The following ADAMTS17 variants were observed in gnomAD, a reference collection of about 807,000 sequenced individuals.
ADAMTS17 encodes the protein ADAM metallopeptidase with thrombospondin type 1 motif 17, also known as A disintegrin and metalloproteinase with thrombospondin motifs 17.
A neutral mutation model predicts 141.5 loss-of-function variants in ADAMTS17; 113 were observed. The ratio of observed to expected loss-of-function variants is 0.80; its 90% CI spans 0.69 to 0.93. ADAMTS17 has a LOEUF of 0.93. Ranked by LOEUF, ADAMTS17 falls within the 40% of genes least tolerant of loss-of-function variation. The pLI, the probability that ADAMTS17 is intolerant of heterozygous loss-of-function variation, is 0.00. For synonymous variants in ADAMTS17, 768 were observed against 630.6 expected, an observed-to-expected ratio of 1.22 and a Z score of -3.27; for missense variants, 1,659 against 1,517.9, an observed-to-expected ratio of 1.09 and a Z score of -1.54.
At chr15:100,204,029 T>G (rs1022140830) in intron 7 of ADAMTS17, among the ~76,000 whole-genome samples, 1 of 152,146 alleles carries the variant, frequency 6.6e-6, no homozygotes, top group Non-Finnish European at 1.5e-5. Context: ...ACAACACAGG[T>G]GCTCATTTGT....
intron 18 of ADAMTS17, among the ~76,000 whole-genome samples, chr15:100,007,436 C>T (rs1239911374): frequency 4.7e-5 from 7 of 149,592 alleles, no homozygotes; most frequent in Admixed American, 2.0e-4. Flanking sequence ...TTTTTTGAGA[C>T]GGAGATGGAG....
intron 3 of ADAMTS17, among the ~76,000 whole-genome samples, chr15:100,297,133 A>T (rs940718548): frequency 2.0e-5 from 3 of 152,046 alleles, no homozygotes; most frequent in Admixed American, 2.0e-4. Flanking sequence ...GGGGGAGAGG[A>T]GCTAGGAGGA....
intron 15 of ADAMTS17, among the ~76,000 whole-genome samples, chr15:100,061,723 CG>C (rs2033137028): frequency 6.6e-6 from 1 of 152,212 alleles, no homozygotes; most frequent in African/African-American, 2.4e-5. Flanking sequence ...TCTCAGAAGC[CG>C]GGGTCGGAAG....
intron 11 of ADAMTS17, among the ~76,000 whole-genome samples, chr15:100,132,927 GA>G: frequency 6.6e-6 from 1 of 152,290 alleles, no homozygotes; most frequent in South Asian, 2.1e-4. Context: ...TTTTCCATTT[GA>G]AATATACTGG....
intron 19 of ADAMTS17, among the ~76,000 whole-genome samples, chr15:99,995,354 A>C (rs2060779514): frequency 6.6e-6 from 1 of 152,104 alleles, no homozygotes; most frequent in South Asian, 2.1e-4. Context: ...CTCCCCTTGA[A>C]TTTCAAGCTC....
chr15:100,008,236 GA>G (rs2061077184), intron 18 of ADAMTS17, among the ~76,000 whole-genome samples: 1 of 152,100 alleles, frequency 6.6e-6, no homozygotes. Context: ...AGGTGCCTGG[GA>G]GTCGGAGGGG....
chr15:100,131,016 C>T (rs1223510960), intron 12 of ADAMTS17, among the ~76,000 whole-genome samples: 1 of 152,066 alleles, frequency 6.6e-6, no homozygotes, highest in Non-Finnish European at 1.5e-5. Flanking sequence ...CACATATACA[C>T]CATGGAATAC....
At chr15:100,247,326 A>T (rs1044962125) in intron 7 of ADAMTS17, among the ~76,000 whole-genome samples, 1 of 152,260 alleles carries the variant, frequency 6.6e-6, no homozygotes, top group Admixed American at 6.5e-5. Flanking sequence ...TGGTCTAGCC[A>T]GTAAAACTTG....
chr15:100,228,324 T>C (rs1255352726), intron 7 of ADAMTS17, among the ~76,000 whole-genome samples: 1 of 152,184 alleles, frequency 6.6e-6, no homozygotes, highest in Non-Finnish European at 1.5e-5. Context: ...TCATATCTAT[T>C]TGTATGACAA....
intron 12 of ADAMTS17, among the ~76,000 whole-genome samples, chr15:100,121,705 T>C (rs192650735): frequency 2.7e-4 from 41 of 151,982 alleles, no homozygotes; most frequent in Admixed American, 2.2e-3. Context: ...AGGGAGTCCT[T>C]CAAGTTCAAA....
intron 10 of ADAMTS17, among the ~76,000 whole-genome samples, chr15:100,139,581 A>G (rs778652145): frequency 6.6e-6 from 1 of 152,252 alleles, no homozygotes; most frequent in Non-Finnish European, 1.5e-5. Context: ...AACAAAAGGA[A>G]AAACAGTAAG....
At chr15:100,208,497 T>C (rs1281330149) in intron 7 of ADAMTS17, among the ~76,000 whole-genome samples, 1 of 152,142 alleles carries the variant, frequency 6.6e-6, no homozygotes, top group Non-Finnish European at 1.5e-5. Context: ...GTTTGCCTTA[T>C]AATAATTCAT....
chr15:100,335,964 G>A (rs2046196658), intron 2 of ADAMTS17, among the ~76,000 whole-genome samples: 1 of 152,200 alleles, frequency 6.6e-6, no homozygotes, highest in South Asian at 2.1e-4. Flanking sequence ...TCCCTCAGAT[G>A]TACTGGCTGC....
At chr15:100,204,750 A>C (rs2041466522) in intron 7 of ADAMTS17, among the ~76,000 whole-genome samples, 1 of 152,214 alleles carries the variant, frequency 6.6e-6, no homozygotes, top group African/African-American at 2.4e-5. Context: ...ATAACATCAA[A>C]AGCACAAGTA....
rs182677603 is a variant in ADAMTS17, at chr15:100,177,968, A to C, written c.1181+21350T>G. On this transcript the variant is annotated intron_variant, in intron 8 of 21. Coordinates refer to ENST00000268070, the MANE Select transcript of ADAMTS17 (RefSeq NM_139057.4). The stretch of plus-strand genomic sequence containing the variant: ...TCTGAAGTCTACTTTTTCTGATATT[A>C]ATATAGCGATTCCTGTTTTTTTCCC... 4.1e-4 allele frequency among the ~76,000 whole-genome samples: 62 copies of C among 151,792 alleles called. 1 individual carries two copies. In the East Asian group the frequency reaches 4.7e-3, roughly 12 times the overall value.
chr15:100,206,419 A>G (rs2041564260), intron 7 of ADAMTS17, among the ~76,000 whole-genome samples: 1 of 152,220 alleles, frequency 6.6e-6, no homozygotes, highest in Non-Finnish European at 1.5e-5. Flanking sequence ...TCCTACAGCA[A>G]TGGACCCTGG....
chr15:100,094,292 T>TC (rs1308238646), intron 15 of ADAMTS17, among the ~76,000 whole-genome samples: 1 of 152,230 alleles, frequency 6.6e-6, no homozygotes. Flanking sequence ...TCCAGTATGG[T>TC]CCATCCTTCC....
chr15:100,007,917 G>T (rs970585944), intron 18 of ADAMTS17, among the ~76,000 whole-genome samples: 3 of 152,140 alleles, frequency 2.0e-5, no homozygotes, highest in African/African-American at 7.2e-5. Context: ...GAGGGCAGGG[G>T]CTTGGGGAGT....
intron 7 of ADAMTS17, among the ~76,000 whole-genome samples, chr15:100,229,920 C>T (rs1248167987): frequency 6.6e-6 from 1 of 152,206 alleles, no homozygotes; most frequent in Non-Finnish European, 1.5e-5. Flanking sequence ...CACACAGTCA[C>T]CTGAGATGAT....
Sources: gnomAD v4.1 joint callset for allele counts (sites outside exome capture counted in the v4.1 genomes callset) on GRCh38, gnomAD v4.1.1 for gene constraint, MANE v1.5 for transcripts, NCBI Gene and HGNC (gene_info 2026-07-23, HGNC 2026-07-21) for gene names.